The following CRTC1 variants were observed in gnomAD, a reference collection of about 807,000 sequenced individuals.
CRTC1 encodes CREB-regulated transcription coactivator 1.
CRTC1 carries 18 observed loss-of-function variants against 66.1 expected under a neutral mutation model. That is an observed-to-expected ratio of 0.27 (90% CI 0.19 to 0.40). CRTC1 has a LOEUF of 0.40. CRTC1 is among the 10% of genes least tolerant of loss of function. The pLI, the probability that CRTC1 is intolerant of heterozygous loss-of-function variation, is 1.00. For synonymous variants in CRTC1, 416 were observed against 398.8 expected (o/e 1.04, Z -0.51); for missense variants, 669 against 887.9 (o/e 0.75, Z 3.13).
chr19:18,767,091 T>A (rs2054752731), intron 9 of CRTC1, among the ~76,000 whole-genome samples: 1 of 152,176 alleles, frequency 6.6e-6, no homozygotes, highest in Admixed American at 6.5e-5. Flanking sequence ...TCAGTTTTGG[T>A]CATTTGTGCA....
At chr19:18,688,681 G>A (rs941849270) in intron 1 of CRTC1, among the ~76,000 whole-genome samples, 1 of 151,858 alleles carries the variant, frequency 6.6e-6, no homozygotes, top group Non-Finnish European at 1.5e-5. Flanking sequence ...CAGGTGATCC[G>A]CCCACCTCGG....
intron 1 of CRTC1, among the ~76,000 whole-genome samples, chr19:18,686,546 C>T (rs1027684134): frequency 2.6e-5 from 4 of 152,190 alleles, no homozygotes; most frequent in Non-Finnish European, 5.9e-5. Flanking sequence ...ACTCGGGAGG[C>T]TTAGACAGAA....
At chr19:18,706,455 C>G (rs553882211) in intron 1 of CRTC1, among the ~76,000 whole-genome samples, 1 of 152,078 alleles carries the variant, frequency 6.6e-6, no homozygotes, top group Non-Finnish European at 1.5e-5. Flanking sequence ...ATCCCCCCCG[C>G]CTTGGCCTCC....
intron 1 of CRTC1, among the ~76,000 whole-genome samples, chr19:18,718,110 T>G (rs1207720863): frequency 1.3e-5 from 2 of 151,984 alleles, no homozygotes; most frequent in Non-Finnish European, 2.9e-5. Context: ...TCCAGAACAT[T>G]CTCATCATCC....
intron 1 of CRTC1, among the ~76,000 whole-genome samples, chr19:18,689,348 T>C (rs992293917): frequency 5.3e-5 from 8 of 150,946 alleles, no homozygotes; most frequent in Non-Finnish European, 8.8e-5. Flanking sequence ...AAGCCTTTTG[T>C]GTCTGCCTTC....
intron 1 of CRTC1, among the ~76,000 whole-genome samples, chr19:18,734,124 G>A (rs1301621249): frequency 6.6e-6 from 1 of 151,862 alleles, no homozygotes; most frequent in East Asian, 1.9e-4. Flanking sequence ...GTCCAGAACA[G>A]ATAAATCCAC....
intron 1 of CRTC1, among the ~76,000 whole-genome samples, chr19:18,703,203 G>A (rs56369935): frequency 0.028 from 4,334 of 152,138 alleles, 97 homozygotes; most frequent in Non-Finnish European, 0.048. Flanking sequence ...TAGCCAGGAC[G>A]GTCTCGGTCA....
At chr19:18,725,978 A>G (rs952799472) in intron 1 of CRTC1, among the ~76,000 whole-genome samples, 1 of 152,160 alleles carries the variant, frequency 6.6e-6, no homozygotes, top group African/African-American at 2.4e-5. Flanking sequence ...GCCCATGCAG[A>G]TCTGCAGTAA....
At chr19:18,732,200 C>A (rs895189109) in intron 1 of CRTC1, among the ~76,000 whole-genome samples, 1 of 152,218 alleles carries the variant, frequency 6.6e-6, no homozygotes, top group Non-Finnish European at 1.5e-5. Flanking sequence ...CAAGTTGAAG[C>A]CTTCACCCCC....
At chr19:18,738,031 A>G (rs1255791322) in intron 1 of CRTC1, among the ~76,000 whole-genome samples, 2 of 152,158 alleles carry the variant, frequency 1.3e-5, no homozygotes, top group East Asian at 1.9e-4. Context: ...GTCAGAAGTT[A>G]TACTGGAGTG....
intron 12 of CRTC1, 115 bp downstream of exon 12, chr19:18,775,101 C>CA: frequency 9.7e-7 from 1 of 1,030,960 alleles, no homozygotes; most frequent in Non-Finnish European, 1.4e-6. Context: ...GGGGCCCGTG[C>CA]CTGCCCCTCA....
chr19:18,758,234 C>T (rs1022067430), intron 6 of CRTC1, among the ~76,000 whole-genome samples: 15 of 150,802 alleles, frequency 9.9e-5, no homozygotes, highest in Non-Finnish European at 2.1e-4. Flanking sequence ...GTGGCGGGCA[C>T]CTGTAGTCCC....
At chr19:18,754,016 G>A (rs1371107661) in intron 6 of CRTC1, among the ~76,000 whole-genome samples, 2 of 150,480 alleles carry the variant, frequency 1.3e-5, no homozygotes, top group Admixed American at 6.7e-5. Context: ...TGGGAGAATC[G>A]TTTGAAACCT....
chr19:18,710,905 C>T (rs376024757), intron 1 of CRTC1, among the ~76,000 whole-genome samples: 30 of 152,270 alleles, frequency 2.0e-4, no homozygotes, highest in African/African-American at 6.5e-4. Flanking sequence ...TGTGAACCAC[C>T]GCGCCCGGCC....
intron 1 of CRTC1, 43 bp downstream of exon 1, chr19:18,683,871 G>A (rs1178527007): frequency 5.5e-6 from 6 of 1,081,658 alleles, no homozygotes; most frequent in Non-Finnish European, 6.9e-6. Flanking sequence ...CCGGCGGAGG[G>A]AGGGAGGGGG....
At chr19:18,699,920 A>C (rs1393535349) in intron 1 of CRTC1, among the ~76,000 whole-genome samples, 1 of 152,040 alleles carries the variant, frequency 6.6e-6, no homozygotes, top group Non-Finnish European at 1.5e-5. Context: ...TGTCCCCCGG[A>C]GATAGTGGGT....
chr19:18,756,866 T>C (rs1334563136), intron 6 of CRTC1, among the ~76,000 whole-genome samples: 1 of 152,142 alleles, frequency 6.6e-6, no homozygotes, highest in Non-Finnish European at 1.5e-5. Flanking sequence ...TTTCAAAGTA[T>C]TCTTGAGAAC....
At chr19:18,763,016 T>C (rs1191318644) in intron 8 of CRTC1, among the ~76,000 whole-genome samples, 3 of 152,330 alleles carry the variant, frequency 2.0e-5, no homozygotes, top group Admixed American at 6.5e-5. Flanking sequence ...CCCATCAGAG[T>C]ATAATGCTGT....
intron 10 of CRTC1, among the ~76,000 whole-genome samples, chr19:18,770,667 G>A (rs1241957856): frequency 1.3e-5 from 2 of 152,202 alleles, no homozygotes; most frequent in African/African-American, 2.4e-5. Context: ...GTGTGCATGT[G>A]TGCATGCGTG....
Sources: allele counts gnomAD v4.1 joint callset (sites outside exome capture counted in the v4.1 genomes callset), GRCh38; gene constraint gnomAD v4.1.1; transcripts MANE v1.5; gene names NCBI Gene and HGNC (gene_info 2026-07-23, HGNC 2026-07-21).